The following DIAPH2 variants were observed in gnomAD, a reference collection of about 807,000 sequenced individuals.
DIAPH2 encodes protein diaphanous homolog 2.
DIAPH2 carries 35 observed loss-of-function variants against 92.7 expected under a neutral mutation model. The ratio of observed to expected loss-of-function variants is 0.38; its 90% confidence interval spans 0.29 to 0.50. The LOEUF is 0.50. DIAPH2 is among the 20% of genes least tolerant of loss of function. DIAPH2 has a pLI of 0.94. For synonymous variants in DIAPH2, 301 were observed against 280.4 expected (o/e 1.07, Z -0.73); for missense variants, 701 against 819.5 (o/e 0.86, Z 1.77).
chrX:97,170,883 A>AT lies in DIAPH2; in HGVS notation c.2719+29092dup, dbSNP rs754650542. On this transcript the variant is annotated intron_variant, in intron 22 of 26. Transcript: ENST00000324765. ...TTTTTAAAAAATTATTTATTTATTT[A>AT]TTTATTTTTTTGAGATGGAGTCTCG... Among the ~76,000 whole-genome samples the AT allele has an allele frequency of 6.3e-4, 69 of 108,711 alleles. 2 individuals are homozygous for AT. Among genetic ancestry groups the AT allele is most frequent in the East Asian group, 2.9e-4 (1 of 3,492 alleles). The allele number at this position is 108,711 out of a possible 115,157, so 94.4% of individuals were successfully genotyped here. A position where few individuals can be genotyped will look rare whatever the true frequency, so the allele number is the denominator to read the frequency against.
chrX:96,805,218 C>CAT (rs766463081), intron 4 of DIAPH2, among the ~76,000 whole-genome samples: 2 of 5,461 alleles, frequency 3.7e-4, no homozygotes, highest in African/African-American at 4.0e-3. Context: ...TACACACACA[C>CAT]ACATACACAC....
At chrX:96,788,281 C>T (rs940607788) in intron 4 of DIAPH2, among the ~76,000 whole-genome samples, 1 of 111,641 alleles carries the variant, frequency 9.0e-6, no homozygotes, top group African/African-American at 3.3e-5. Context: ...TGTCATATCA[C>T]CTAGTGCAAA....
chrX:97,311,036 A>G (rs2068789872), intron 23 of DIAPH2, among the ~76,000 whole-genome samples: 1 of 111,678 alleles, frequency 9.0e-6, no homozygotes, highest in Admixed American at 9.6e-5. Flanking sequence ...AAAAATTAGA[A>G]AAAGAAACTT....
At chrX:97,384,726 C>T (rs2069582713) in intron 25 of DIAPH2, among the ~76,000 whole-genome samples, 1 of 109,983 alleles carries the variant, frequency 9.1e-6, no homozygotes, top group Non-Finnish European at 1.9e-5. Flanking sequence ...ATTAGCCAGG[C>T]ATGGTGGCAG....
At chrX:97,268,545 G>T (rs1478867824) in intron 23 of DIAPH2, among the ~76,000 whole-genome samples, 1 of 112,171 alleles carries the variant, frequency 8.9e-6, no homozygotes, top group African/African-American at 3.2e-5. Context: ...AACTTCTTTT[G>T]TTGTGGTGTG....
chrX:96,976,291 G>GA (rs35575627), intron 17 of DIAPH2, among the ~76,000 whole-genome samples: 68 of 102,627 alleles, frequency 6.6e-4, no homozygotes, highest in Admixed American at 4.2e-3. Flanking sequence ...CCATCTCAAA[G>GA]AAAAAAAAAA....
In DIAPH2 at chrX:97,600,526, A is replaced by C. The variant is rs187869889; in HGVS notation, c.*1209A>C. ...TACCTTATATTAACAAATTAAGATG[A>C]TGCTGCCAAAACAAGTCTAGCAGGG... On this transcript the variant is annotated 3_prime_UTR_variant, in exon 27 of 27. Coordinates refer to ENST00000324765, the MANE Select transcript of DIAPH2 (RefSeq NM_006729.5). 8.9e-6 allele frequency: 1 copy of C among 112,625 alleles called. No homozygotes were observed. Among genetic ancestry groups the C allele is most frequent in the Admixed American group, 9.4e-5 (1 of 10,598 alleles). 9.3% of individuals were successfully genotyped at this position (112,625 alleles called of 1,213,427 possible).
Position 96,882,983 on chromosome X carries a change from AC to A in DIAPH2, c.587+1266del, listed in dbSNP as rs1569419409. Among the ~76,000 whole-genome samples, 30 of 51,394 alleles carry A rather than the reference AC, an allele frequency of 5.8e-4. 1 individual carries two copies. The highest frequency in any genetic ancestry group is 1.0e-3 in the African/African-American group (25 of 24,476). 44.6% of individuals were successfully genotyped at this position (51,394 alleles called of 115,157 possible). On this transcript the variant is annotated intron_variant, in intron 5 of 26. Transcript: ENST00000324765. ...CCAAAAAAAAAAAAAAAAAAAAAAAACAAAAAAACAAAAATCCGGGATCTAT... is the reference window on the plus strand; with the variant it reads ...CCAAAAAAAAAAAAAAAAAAAAAAAAAAAAAAACAAAAATCCGGGATCTAT...
At position 96,957,987 on chromosome X, in the gene DIAPH2, C is replaced by T. The variant is rs1187232324; in HGVS notation, c.1774C>T (p.Pro592Ser). Reference sequence around the variant, plus strand: ...TTTACCTGGAATGATGGGGATACCACCACCACCCCCACCACCACTTTTATT... The same window carrying T: ...TTTACCTGGAATGATGGGGATACCATCACCACCCCCACCACCACTTTTATT... ...PPLPGMMGIPPPPPPPLLFGG... is the reference protein window; with the variant it reads ...PPLPGMMGIPSPPPPPLLFGG... Residue 592 changes from proline (P) to serine (S), a missense_variant, in exon 16 of 27, where the codon CCA becomes TCA. This residue lies in a region of DIAPH2 where 536 missense variants were observed against 599.3 expected (regional missense o/e 0.89). Coordinates refer to ENST00000324765, the MANE Select transcript of DIAPH2 (RefSeq NM_006729.5). 5.0e-6 allele frequency: 6 copies of T among 1,206,510 alleles called. No homozygotes were observed. In the Admixed American group the frequency reaches 6.6e-5, roughly 13 times the overall value.
intron 4 of DIAPH2, among the ~76,000 whole-genome samples, chrX:96,822,194 T>C (rs1172179361): frequency 1.8e-5 from 2 of 111,491 alleles, no homozygotes; most frequent in Non-Finnish European, 3.8e-5. Flanking sequence ...CAAGAAACCA[T>C]CAAATTTACA....
intron 23 of DIAPH2, among the ~76,000 whole-genome samples, chrX:97,261,910 T>C (rs555707828): frequency 2.1e-4 from 23 of 111,103 alleles, no homozygotes; most frequent in African/African-American, 7.5e-4. Context: ...AATGCTTAAA[T>C]GTTGAATTAA....
intron 26 of DIAPH2, among the ~76,000 whole-genome samples, chrX:97,567,218 C>CTGTT (rs1450164691): frequency 3.6e-5 from 4 of 111,554 alleles, no homozygotes; most frequent in Non-Finnish European, 7.6e-5. Context: ...TTTTTGATCA[C>CTGTT]TGTTTATTAT....
At chrX:97,347,879 A>C (rs2147688946) in intron 23 of DIAPH2, among the ~76,000 whole-genome samples, 1 of 111,308 alleles carries the variant, frequency 9.0e-6, no homozygotes, top group South Asian at 3.9e-4. Context: ...AAGAAACTAA[A>C]CCCACCAGAC....
chrX:97,456,259 C>T (rs1326662113), intron 26 of DIAPH2, among the ~76,000 whole-genome samples: 2 of 110,803 alleles, frequency 1.8e-5, no homozygotes, highest in Non-Finnish European at 3.8e-5. Flanking sequence ...TGGTGGCGGG[C>T]GCCTGTAGTC....
At chrX:96,865,867 T>C (rs1006037408) in intron 4 of DIAPH2, among the ~76,000 whole-genome samples, 2 of 112,113 alleles carry the variant, frequency 1.8e-5, no homozygotes, top group Non-Finnish European at 3.8e-5. Flanking sequence ...TAAATGTCCA[T>C]TGTGTACCTA....
chrX:97,198,864 C>T (rs2052400527), intron 22 of DIAPH2, among the ~76,000 whole-genome samples: 1 of 111,502 alleles, frequency 9.0e-6, no homozygotes, highest in South Asian at 3.7e-4. Context: ...CACAAATCCC[C>T]TCATACTTTG....
chrX:97,162,618 G>T (rs5966673), intron 22 of DIAPH2, among the ~76,000 whole-genome samples: 33,480 of 109,792 alleles, frequency 0.3, 4,154 homozygotes, highest in East Asian at 0.61. Context: ...GATCCTCCCT[G>T]CTTTCGCCTA....
intron 19 of DIAPH2, among the ~76,000 whole-genome samples, chrX:97,098,846 G>A (rs1203045357): frequency 8.9e-6 from 1 of 112,882 alleles, no homozygotes; most frequent in Admixed American, 9.3e-5. Flanking sequence ...TTCAGCATAA[G>A]GATTTTGGAG....
At chrX:97,522,226 A>G (rs976308837) in intron 26 of DIAPH2, among the ~76,000 whole-genome samples, 2 of 112,375 alleles carry the variant, frequency 1.8e-5, no homozygotes, top group Non-Finnish European at 3.8e-5. Flanking sequence ...CTGTGCTTCT[A>G]TTCCTGTATG....
Sources: gnomAD v4.1 joint callset for allele counts (sites outside exome capture counted in the v4.1 genomes callset) on GRCh38, gnomAD v4.1.1 for gene constraint, gnomAD v4.1.1 regional missense constraint, MANE v1.5 for transcripts, NCBI Gene and HGNC (gene_info 2026-07-23, HGNC 2026-07-21) for gene names.